The following CACNA2D1 variants were observed in gnomAD, a reference collection of about 807,000 sequenced individuals.
CACNA2D1 encodes the protein calcium voltage-gated channel auxiliary subunit alpha2delta 1.
In CACNA2D1, 53 loss-of-function variants were observed where a neutral mutation model predicts 171.5. The ratio of observed to expected loss-of-function variants is 0.31; its 90% CI spans 0.25 to 0.39. CACNA2D1 has a LOEUF of 0.39. CACNA2D1 is among the 10% of genes least tolerant of loss of function. The probability of loss-of-function intolerance (pLI) is 1.00; values close to 1 mark genes in which losing one functional copy is unlikely to be tolerated. For synonymous variants in CACNA2D1, 442 were observed against 443.1 expected (o/e 1.00, Z 0.03); for missense variants, 903 against 1,299.8 (o/e 0.69, Z 4.69).
chr7:82,274,232 ATCTT>A (rs1809026995), intron 3 of CACNA2D1, among the ~76,000 whole-genome samples: 1 of 152,060 alleles, frequency 6.6e-6, no homozygotes, highest in African/African-American at 2.4e-5. Context: ...CACTGAGAGT[ATCTT>A]TTGACCACCA....
intron 1 of CACNA2D1, among the ~76,000 whole-genome samples, chr7:82,440,641 TC>T (rs1327027705): frequency 2.6e-5 from 4 of 151,876 alleles, no homozygotes; most frequent in Admixed American, 6.6e-5. Context: ...CTGAAAAACA[TC>T]TATTTTAGTG....
intron 20 of CACNA2D1, among the ~76,000 whole-genome samples, chr7:81,992,435 T>A (rs994275755): frequency 6.6e-6 from 1 of 151,960 alleles, no homozygotes; most frequent in African/African-American, 2.4e-5. Context: ...TGTGAGCATG[T>A]GTGGGGTGTA....
rs575142792 is a variant in CACNA2D1 at position 82,137,599 on chromosome 7, C to T, written c.355-923G>A. The stretch of plus-strand genomic sequence containing the variant: ...GATGCTGTAAAATTTTAGGCTGACG[C>T]GGTGGCTCACGCCTGTAATCCCAGC... On this transcript the variant is annotated intron_variant, in intron 4 of 38. Coordinates refer to ENST00000356860, the MANE Select transcript of CACNA2D1 (RefSeq NM_000722.4). Among the ~76,000 whole-genome samples, 4 of 151,404 alleles carry T rather than the reference C, an allele frequency of 2.6e-5. No individual in the cohort carries two copies. The South Asian group carries it at 6.3e-4, about 24-fold the overall frequency.
chr7:82,138,426 G>GTTTTTTTTTTTTT lies in CACNA2D1; in HGVS notation c.355-1751_355-1750insAAAAAAAAAAAAA, dbSNP rs1159205363. ...TCCTGAAACATTTCTTATAGCATTA[G>GTTTTTTTTTTTTT]TTTTGTTTTTTTTGTTTTTTTTGTT... is the stretch of plus-strand genomic sequence containing the variant. On this transcript the variant is annotated intron_variant, in intron 4 of 38. Coordinates refer to ENST00000356860, the MANE Select transcript of CACNA2D1 (RefSeq NM_000722.4). Among the ~76,000 whole-genome samples the GTTTTTTTTTTTTT allele has an allele frequency of 4.9e-5, 5 of 101,312 alleles. 1 individual carries two copies. The highest frequency in any genetic ancestry group is 1.0e-4 in the Non-Finnish European group (5 of 49,786). The allele number at this position is 101,312 out of a possible 152,430, so 66.5% of individuals were successfully genotyped here.
At chr7:82,346,285 C>A (rs17264194) in intron 2 of CACNA2D1, among the ~76,000 whole-genome samples, 23,197 of 152,070 alleles carry the variant, frequency 0.15, 1,923 homozygotes, top group South Asian at 0.28. Context: ...CAGCCTGTAC[C>A]CCAGCTTATA....
rs563653844 is a variant in CACNA2D1 at position 82,192,762 on chromosome 7, T to G, written c.295-22153A>C. Among the ~76,000 whole-genome samples the G allele has an allele frequency of 2.5e-4, 38 of 149,540 alleles. No homozygotes were observed. In the South Asian group the frequency reaches 3.4e-3, roughly 13 times the overall value. ...GAGCAGCTGTTCCTTTTTTTTTTTTTCCTGAAACATCTAACTTTTCTTCTG... is the reference window on the plus strand; with the variant it reads ...GAGCAGCTGTTCCTTTTTTTTTTTTGCCTGAAACATCTAACTTTTCTTCTG... On this transcript the variant is annotated intron_variant, in intron 3 of 38. Coordinates refer to ENST00000356860, the MANE Select transcript of CACNA2D1 (RefSeq NM_000722.4).
At chr7:82,124,338 G>A (rs1201033496) in intron 5 of CACNA2D1, among the ~76,000 whole-genome samples, 1 of 152,054 alleles carries the variant, frequency 6.6e-6, no homozygotes, top group Admixed American at 6.5e-5. Context: ...TCTTCCCAGG[G>A]CAGAGGCAAA....
chr7:82,259,078 TG>T (rs1806729578), intron 3 of CACNA2D1, among the ~76,000 whole-genome samples: 1 of 152,102 alleles, frequency 6.6e-6, no homozygotes, highest in Admixed American at 6.6e-5. Flanking sequence ...ATCCACCAAA[TG>T]GCCTCCCAAA....
At chr7:82,014,350 C>A in intron 13 of CACNA2D1, 51 bp downstream of exon 13, 1 of 976,646 alleles carries the variant, frequency 1.0e-6, no homozygotes, top group Non-Finnish European at 1.7e-6. Flanking sequence ...CTAATAACAA[C>A]TACCAAAATA....
chr7:82,287,194 G>A (rs1025446405), intron 3 of CACNA2D1, among the ~76,000 whole-genome samples: 15 of 151,686 alleles, frequency 9.9e-5, no homozygotes, highest in African/African-American at 3.6e-4. Context: ...TAATTGCACA[G>A]TCCCTGACAT....
At chr7:82,332,510 T>TAAAAGAAAG (rs1323648237) in intron 3 of CACNA2D1, among the ~76,000 whole-genome samples, 15 of 92,650 alleles carry the variant, frequency 1.6e-4, no homozygotes, top group African/African-American at 5.4e-4. Context: ...AAAAGAAATA[T>TAAAAGAAAG]AAAGAAAGAA....
chr7:82,342,318 AT>A (rs1426147147), intron 2 of CACNA2D1, among the ~76,000 whole-genome samples: 1 of 152,158 alleles, frequency 6.6e-6, no homozygotes, highest in Non-Finnish European at 1.5e-5. Context: ...GAAGACAAAG[AT>A]TTTTGTCTGT....
chr7:82,323,032 A>G (rs927914201), intron 3 of CACNA2D1, among the ~76,000 whole-genome samples: 1 of 152,258 alleles, frequency 6.6e-6, no homozygotes, highest in Non-Finnish European at 1.5e-5. Flanking sequence ...CACCACTTTT[A>G]GTCCAACTCT....
At chr7:82,406,053 C>T (rs190277262) in intron 1 of CACNA2D1, among the ~76,000 whole-genome samples, 85 of 152,094 alleles carry the variant, frequency 5.6e-4, no homozygotes, top group African/African-American at 2.0e-3. Context: ...CCCAACCCTA[C>T]GACAGGCCCC....
intron 3 of CACNA2D1, among the ~76,000 whole-genome samples, chr7:82,332,565 A>C (rs181434723): frequency 0.032 from 3,530 of 109,192 alleles, 66 homozygotes; most frequent in Middle Eastern, 0.056. Context: ...AAAGAAAGAA[A>C]GAACGAACAG....
At chr7:82,154,359 G>A (rs905581528) in intron 4 of CACNA2D1, among the ~76,000 whole-genome samples, 3 of 152,050 alleles carry the variant, frequency 2.0e-5, no homozygotes, top group African/African-American at 7.2e-5. Context: ...TGAGATAACT[G>A]GCACTCAAGT....
At chr7:82,160,926 A>G (rs1305623400) in intron 4 of CACNA2D1, among the ~76,000 whole-genome samples, 1 of 152,056 alleles carries the variant, frequency 6.6e-6, no homozygotes, top group Non-Finnish European at 1.5e-5. Flanking sequence ...TAGGTTCCAT[A>G]GCTGAGACTC....
intron 5 of CACNA2D1, among the ~76,000 whole-genome samples, chr7:82,129,357 A>C (rs922653571): frequency 6.6e-6 from 1 of 152,160 alleles, no homozygotes; most frequent in African/African-American, 2.4e-5. Context: ...TATCTGATAC[A>C]TGTGCTTTGA....
At chr7:82,101,872 T>C (rs1244262076) in intron 6 of CACNA2D1, among the ~76,000 whole-genome samples, 1 of 152,188 alleles carries the variant, frequency 6.6e-6, no homozygotes, top group African/African-American at 2.4e-5. Context: ...AATTAAGTGG[T>C]GTAACTGTAT....
Sources: gnomAD v4.1 joint callset for allele counts (sites outside exome capture counted in the v4.1 genomes callset) on GRCh38, gnomAD v4.1.1 for gene constraint, MANE v1.5 for transcripts, NCBI Gene and HGNC (gene_info 2026-07-23, HGNC 2026-07-21) for gene names.